The following RAPGEF1 variants were observed in gnomAD, a reference collection of about 807,000 sequenced individuals.
RAPGEF1 encodes CRK SH3-binding GNRP.
In RAPGEF1, 33 loss-of-function variants were observed where a neutral mutation model predicts 143.3. That is an observed-to-expected ratio of 0.23 (90% CI 0.17 to 0.31). The LOEUF (loss-of-function observed/expected upper bound fraction) is 0.31. RAPGEF1 is among the 10% of genes least tolerant of loss of function. The pLI is 1.00. For missense variants in RAPGEF1, 1,199 were observed against 1,645.4 expected (o/e 0.73, Z 4.69); for synonymous variants, 629 against 676.5 (o/e 0.93, Z 1.09).
At chr9:131,630,405 T>A (rs1964523394) in intron 5 of RAPGEF1, 81 bp from the exon 6 acceptor site, 1 of 1,350,964 alleles carries the variant, frequency 7.4e-7, no homozygotes, top group Non-Finnish European at 1.0e-6. Context: ...GTGCTGTCTG[T>A]CCTCTGCTGC....
In RAPGEF1 at chr9:131,709,557, C is replaced by A. The variant is rs1368690794; in HGVS notation, c.61+30213G>T. 3.3e-6 allele frequency: 5 copies of A among 1,507,610 alleles called. No homozygotes were observed. The East Asian group carries it at 1.1e-4, about 34-fold the overall frequency. 93.4% of individuals were successfully genotyped at this position (1,507,610 alleles called of 1,614,324 possible). A position where few individuals can be genotyped will look rare whatever the true frequency, so the allele number is the denominator to read the frequency against. On this transcript the variant is annotated intron_variant, in intron 1 of 26. Coordinates refer to ENST00000683357, the MANE Select transcript of RAPGEF1 (RefSeq NM_001377935.1). ...AGGCACTTCAGCTCTGCTGCTGGGC[C>A]AGTCTCTCAGAGAAAACTGCCTCCT...
rs756351117 is a variant in RAPGEF1 at position 131,638,802 on chromosome 9, GAGA to G, written c.495-14_495-12del. ...GAAGAGAGGGCTGAGCTACAGGGAA[GAGA>G]AGAATGGAAAAAAAGAAAATCTAAA... is the stretch of plus-strand genomic sequence containing the variant. On this transcript the variant is annotated splice_polypyrimidine_tract_variant and intron_variant, in intron 4 of 26. Transcript: ENST00000683357. 93 of 1,612,378 alleles carry G rather than the reference GAGA, an allele frequency of 5.8e-5. No individual in the cohort carries two copies. The highest frequency in any genetic ancestry group is 7.4e-5 in the Non-Finnish European group (87 of 1,179,002).
rs186736796 is a variant in RAPGEF1 at position 131,626,343 on chromosome 9, G to A, written c.1281C>T (p.Asn427=). ...CCAAAGACTCTGGCAACGGGCTAAG[G>A]TTCCAGGCCGTCTGCTGAGGTATCT... ...ADQIPQQTAW[N]LSPLPESLGE... Residue 427 remains asparagine, a synonymous_variant, in exon 10 of 27, where the codon AAC becomes AAT. Transcript: ENST00000683357. The A allele has an allele frequency of 5.3e-5, 85 of 1,614,018 alleles. No individual in the cohort carries two copies. Among genetic ancestry groups the A allele is most frequent in the Non-Finnish European group, 6.9e-5 (81 of 1,179,878 alleles).
At chr9:131,579,734 G>A in intron 26 of RAPGEF1, 87 bp from the exon 27 acceptor site, 4 of 1,423,170 alleles carry the variant, frequency 2.8e-6, no homozygotes, top group Non-Finnish European at 3.8e-6. Flanking sequence ...GTGCCGCGGG[G>A]ACCATCCCCA....
intron 1 of RAPGEF1, among the ~76,000 whole-genome samples, chr9:131,708,259 G>C (rs543539835): frequency 1.3e-5 from 2 of 152,328 alleles, no homozygotes; most frequent in Admixed American, 1.3e-4. Context: ...TCTTGCTACT[G>C]ATCAAATGCT....
chr9:131,646,846 T>G (rs890240547), intron 3 of RAPGEF1, among the ~76,000 whole-genome samples: 1 of 152,120 alleles, frequency 6.6e-6, no homozygotes, highest in Non-Finnish European at 1.5e-5. Flanking sequence ...CAGTGAGGCC[T>G]AGCAAGAAGA....
At chr9:131,637,778 T>A (rs1966765022) in intron 5 of RAPGEF1, among the ~76,000 whole-genome samples, 1 of 152,226 alleles carries the variant, frequency 6.6e-6, no homozygotes, top group African/African-American at 2.4e-5. Context: ...CCTATAACCC[T>A]GAGATGCACG....
chr9:131,649,709 T>C (rs961744880), intron 3 of RAPGEF1, among the ~76,000 whole-genome samples: 8 of 152,102 alleles, frequency 5.3e-5, no homozygotes, highest in African/African-American at 1.9e-4. Context: ...TATGCGGCGG[T>C]CTCACTGCAC....
chr9:131,604,472 G>T (rs1340910697), intron 13 of RAPGEF1, among the ~76,000 whole-genome samples: 1 of 152,208 alleles, frequency 6.6e-6, no homozygotes, highest in African/African-American at 2.4e-5. Flanking sequence ...ACTTTAACAG[G>T]CTAGAGACCA....
chr9:131,728,641 G>A (rs2131321380), intron 1 of RAPGEF1, among the ~76,000 whole-genome samples: 1 of 152,286 alleles, frequency 6.6e-6, no homozygotes, highest in Non-Finnish European at 1.5e-5. Context: ...CTGGACTTCA[G>A]CTTTCTTAGA....
At chr9:131,699,534 G>A (rs779906833) in intron 1 of RAPGEF1, among the ~76,000 whole-genome samples, 14 of 152,178 alleles carry the variant, frequency 9.2e-5, no homozygotes, top group Non-Finnish European at 1.9e-4. Flanking sequence ...ATGAGGCACT[G>A]CGCCTGGCCC....
At chr9:131,718,264 G>C (rs536972910) in intron 1 of RAPGEF1, among the ~76,000 whole-genome samples, 2 of 152,200 alleles carry the variant, frequency 1.3e-5, no homozygotes, top group African/African-American at 4.8e-5. Flanking sequence ...ACACAGTGAC[G>C]GGGAGAGGGG....
chr9:131,731,868 A>G (rs1398664626), intron 1 of RAPGEF1, among the ~76,000 whole-genome samples: 5 of 152,214 alleles, frequency 3.3e-5, no homozygotes, highest in Non-Finnish European at 5.9e-5. Context: ...ACAGAAGTCT[A>G]AGCTGTTACA....
chr9:131,579,729 G>A (rs771472481), intron 26 of RAPGEF1, 82 bp from the exon 27 acceptor site: 252 of 1,452,854 alleles, frequency 1.7e-4, no homozygotes, highest in Admixed American at 2.7e-4. Context: ...GGAAGGTGCC[G>A]CGGGGACCAT....
chr9:131,686,149 A>AG (rs1833331835), intron 1 of RAPGEF1, among the ~76,000 whole-genome samples: 2 of 152,212 alleles, frequency 1.3e-5, no homozygotes, highest in Admixed American at 6.5e-5. Flanking sequence ...CTTTCCTTGA[A>AG]GGGCAACATA....
At position 131,638,810 on chromosome 9, in the gene RAPGEF1, T is replaced by TG. The variant is rs757447866; in HGVS notation, c.495-20dup. 22 of 1,609,648 alleles carry TG rather than the reference T, an allele frequency of 1.4e-5. No individual in the cohort carries two copies. Among genetic ancestry groups the TG allele is most frequent in the Non-Finnish European group, 1.8e-5 (21 of 1,177,700 alleles). ...GGCTGAGCTACAGGGAAGAGAAGAA[T>TG]GGAAAAAAAGAAAATCTAAAGCATG... is the stretch of plus-strand genomic sequence containing the variant. On this transcript the variant is annotated intron_variant, in intron 4 of 26. Transcript: ENST00000683357.
In RAPGEF1 at chr9:131,596,368, A is replaced by G. The variant is rs1386607882; in HGVS notation, c.2619T>C (p.Asp873=). Residue 873 remains aspartate (D), a synonymous_variant, in exon 17 of 27, where the codon GAT becomes GAC. Coordinates refer to ENST00000683357, the MANE Select transcript of RAPGEF1 (RefSeq NM_001377935.1). Reference sequence around the variant, plus strand: ...ATCCTCCGCGGACGTCCGGCCCGTCATCACCCTGTAATGAACACAGCCAAG... The same window carrying G: ...ATCCTCCGCGGACGTCCGGCCCGTCGTCACCCTGTAATGAACACAGCCAAG... ...MSRLTLKQEG[D]DGPDVRGGSG... The G allele has an allele frequency of 1.2e-6, 2 of 1,613,998 alleles. No homozygotes were observed. The highest frequency in any genetic ancestry group is 4.5e-5 in the East Asian group (2 of 44,880).
intron 1 of RAPGEF1, among the ~76,000 whole-genome samples, chr9:131,726,802 A>G (rs541932464): frequency 1.3e-5 from 2 of 152,266 alleles, no homozygotes; most frequent in South Asian, 4.1e-4. Context: ...TTTATACCCC[A>G]CTAGCCTGGC....
At position 131,675,164 on chromosome 9, in the gene RAPGEF1, C is replaced by T. The variant is rs1832105225; in HGVS notation, c.62-24215G>A. Among the ~76,000 whole-genome samples the T allele has an allele frequency of 6.6e-6, 1 of 151,932 alleles. No homozygotes were observed. The highest frequency in any genetic ancestry group is 2.4e-5 in the African/African-American group (1 of 41,354). The stretch of plus-strand genomic sequence containing the variant: ...AGCTGGTGAGATTTGCTGCACTTGG[C>T]TAGATTTGCTGCACTTGGCTGGATT... On this transcript the variant is annotated intron_variant, in intron 1 of 26. Transcript: ENST00000683357. This position sits in a 1 kb window ranked among gnomAD's most constrained non-coding sequence, Gnocchi z 4.6.
Sources: gnomAD v4.1 joint callset for allele counts (sites outside exome capture counted in the v4.1 genomes callset) on GRCh38, gnomAD v4.1.1 for gene constraint, Gnocchi (gnomAD v3.1) non-coding constraint, MANE v1.5 for transcripts, NCBI Gene and HGNC (gene_info 2026-07-23, HGNC 2026-07-21) for gene names.